Variants in RCOR3 observed in about 807,000 individuals in gnomAD.
RCOR3 encodes the protein REST corepressor 3.
RCOR3 carries 13 observed loss-of-function variants against 64.1 expected under a neutral mutation model. That is an observed-to-expected ratio of 0.20 (90% CI 0.13 to 0.32). The LOEUF (loss-of-function observed/expected upper bound fraction) is 0.32. Ranked by LOEUF, RCOR3 falls within the 10% of genes least tolerant of loss-of-function variation. The pLI is 1.00. For missense variants in RCOR3, 489 were observed against 701.2 expected, an observed-to-expected ratio of 0.70 and a Z score of 3.42; for synonymous variants, 215 against 239.0, an observed-to-expected ratio of 0.90 and a Z score of 0.93.
At chr1:211,299,207 G>A (rs936374640) in intron 9 of RCOR3, among the ~76,000 whole-genome samples, 5 of 152,186 alleles carry the variant, frequency 3.3e-5, no homozygotes, top group African/African-American at 1.2e-4. Context: ...AGTCGTCAAT[G>A]ATAAAGGGGT....
At position 211,279,251 on chromosome 1, in the gene RCOR3, G is replaced by A; in HGVS notation, c.655G>A (p.Glu219Lys). The stretch of plus-strand genomic sequence containing the variant: ...GTTTCTTCTCAGTGATGATGATGTA[G>A]AAGAAACACATCCAATGGATGGGAA... ...HNQGDSDDDV[E>K]ETHPMDGNDS... Residue 219 changes from glutamate (E) to lysine (K), a missense_variant, in exon 7 of 12, where the codon GAA becomes AAA. By Grantham distance (56) the Glu-to-Lys change is moderately conservative (BLOSUM62 1). Around this residue, in one of 2 missense-constraint regions of RCOR3, gnomAD observed 402 missense variants for 617.0 expected, o/e 0.65. Transcript: ENST00000419091. The A allele has an allele frequency of 6.2e-7, 1 of 1,606,816 alleles. No individual in the cohort carries two copies. Among genetic ancestry groups the A allele is most frequent in the Non-Finnish European group, 8.5e-7 (1 of 1,176,274 alleles).
At chr1:211,274,588 A>G (rs953588240) in intron 4 of RCOR3, among the ~76,000 whole-genome samples, 2 of 149,732 alleles carry the variant, frequency 1.3e-5, no homozygotes, top group African/African-American at 4.8e-5. Flanking sequence ...AATTTGGAGT[A>G]AGTGTACATA....
chr1:211,262,485 T>C (rs1426829757), intron 2 of RCOR3, among the ~76,000 whole-genome samples: 1 of 152,198 alleles, frequency 6.6e-6, no homozygotes, highest in African/African-American at 2.4e-5. Context: ...GTGTGGTTTT[T>C]TTTGGTAGTG....
At position 211,308,659 on chromosome 1, in the gene RCOR3, GTGTTTTTTTTTTTGTTTTTTTTT is replaced by G. The variant is rs1333478290; in HGVS notation, c.1076-4047_1076-4025del. On this transcript the variant is annotated intron_variant, in intron 10 of 11. Transcript: ENST00000419091. ...GCTTACCATGTTTCGTCTTTTGGAT[GTGTTTTTTTTTTTGTTTTTTTTT>G]TGTTTTTTTTTTTTTTTGTGTAGTC... Among the ~76,000 whole-genome samples, 4 of 72,990 alleles carry G rather than the reference GTGTTTTTTTTTTTGTTTTTTTTT, an allele frequency of 5.5e-5. 1 individual carries two copies. Among genetic ancestry groups the G allele is most frequent in the East Asian group, 8.1e-4 (2 of 2,464 alleles). 47.9% of individuals were successfully genotyped at this position (72,990 alleles called of 152,430 possible). A position where few individuals can be genotyped will look rare whatever the true frequency, so the allele number is the denominator to read the frequency against.
At position 211,312,583 on chromosome 1, in the gene RCOR3, A is replaced by G. The variant is rs1488248570; in HGVS notation, c.1076-137A>G. 3 of 716,710 alleles carry G rather than the reference A, an allele frequency of 4.2e-6. No individual in the cohort carries two copies. The African/African-American group carries it at 5.3e-5, about 13-fold the overall frequency. 44.4% of individuals were successfully genotyped at this position (716,710 alleles called of 1,614,324 possible). A position where few individuals can be genotyped will look rare whatever the true frequency, so the allele number is the denominator to read the frequency against. On this transcript the variant is annotated intron_variant, in intron 10 of 11. Coordinates refer to ENST00000419091, the MANE Select transcript of RCOR3 (RefSeq NM_001136223.3). This position sits in a 1 kb window ranked among gnomAD's most constrained non-coding sequence, Gnocchi z 5.0. ...CTGTGACCCTGATATCTTAGCCTCT[A>G]TCTCAGAATTGAGAAATGAGCAGAG...
At chr1:211,273,080 A>G (rs1028074709) in intron 3 of RCOR3, among the ~76,000 whole-genome samples, 6 of 152,216 alleles carry the variant, frequency 3.9e-5, no homozygotes, top group African/African-American at 1.4e-4. Context: ...TTTCTACACA[A>G]AAAGCTTACC....
intron 9 of RCOR3, among the ~76,000 whole-genome samples, chr1:211,300,695 C>T (rs1700288006): frequency 6.6e-6 from 1 of 152,088 alleles, no homozygotes; most frequent in African/African-American, 2.4e-5. Context: ...CAAATTTATC[C>T]AGACATTCAG....
At chr1:211,278,274 T>C (rs1697293611) in intron 6 of RCOR3, 33 bp downstream of exon 6, 1 of 1,608,456 alleles carries the variant, frequency 6.2e-7, no homozygotes, top group African/African-American at 1.3e-5. Context: ...GTTACATTGT[T>C]AGGGACACTG....
intron 10 of RCOR3, among the ~76,000 whole-genome samples, chr1:211,311,952 C>A (rs750034469): frequency 3.2e-4 from 48 of 152,078 alleles, no homozygotes; most frequent in Non-Finnish European, 5.6e-4. Flanking sequence ...CAATAAATAT[C>A]TCTTCTTAAG....
At chr1:211,260,357 G>T (rs1008228860) in intron 2 of RCOR3, among the ~76,000 whole-genome samples, 193 bp downstream of exon 2, 3 of 152,196 alleles carry the variant, frequency 2.0e-5, no homozygotes, top group Non-Finnish European at 4.4e-5. Flanking sequence ...GCACTGCAAG[G>T]TTAACATGGT....
At chr1:211,290,972 G>GTT (rs142791224) in intron 8 of RCOR3, among the ~76,000 whole-genome samples, 149 of 146,572 alleles carry the variant, frequency 1.0e-3, no homozygotes, top group Non-Finnish European at 1.1e-3. Flanking sequence ...TGTTTGTTTG[G>GTT]TTTTTTTTTT....
rs146353525 is a variant in RCOR3, at chr1:211,315,775, G to A, written c.*2007G>A. 30 of 152,270 alleles carry A rather than the reference G, an allele frequency of 2.0e-4. No individual in the cohort carries two copies. The highest frequency in any genetic ancestry group is 7.0e-4 in the African/African-American group (29 of 41,546). The allele number at this position is 152,270 out of a possible 1,614,324, so 9.4% of individuals were successfully genotyped here. On this transcript the variant is annotated 3_prime_UTR_variant, in exon 12 of 12. Transcript: ENST00000419091. The stretch of plus-strand genomic sequence containing the variant: ...AAAATCTCTTCTATCCCAGACATGG[G>A]CCAAGGTGCTGTATCTGAGGGATGT...
At chr1:211,293,118 T>TAAATAAATAAATAAATAAATA (rs374581705) in intron 8 of RCOR3, among the ~76,000 whole-genome samples, 80 of 151,274 alleles carry the variant, frequency 5.3e-4, no homozygotes, top group Non-Finnish European at 1.0e-3. Flanking sequence ...AATAAATAAA[T>TAAATAAATAAATAAATAAATA]AAGTCTTAAT....
intron 7 of RCOR3, among the ~76,000 whole-genome samples, chr1:211,279,602 A>T (rs1206438252): frequency 6.6e-6 from 1 of 152,212 alleles, no homozygotes; most frequent in Non-Finnish European, 1.5e-5. Flanking sequence ...AAGAAACCCA[A>T]TGCCATGGGC....
intron 7 of RCOR3, among the ~76,000 whole-genome samples, chr1:211,284,678 C>T (rs1042195524): frequency 2.0e-5 from 3 of 152,096 alleles, no homozygotes; most frequent in South Asian, 4.1e-4. Flanking sequence ...CCACCACACC[C>T]AGCTAATTTT....
intron 4 of RCOR3, 142 bp from the exon 5 acceptor site, chr1:211,276,115 C>T: frequency 1.4e-6 from 1 of 712,782 alleles, no homozygotes; most frequent in Non-Finnish European, 2.3e-6. Context: ...CCTGAGCGCC[C>T]CTGATTTAAA....
At position 211,276,259 on chromosome 1, in the gene RCOR3, A is replaced by G; in HGVS notation, c.357A>G (p.Ala119=). ...AGGGGAATGATTTCTCTTCAAAGGCACTTGGCATGTTGTTCTGGCATAAAC... is the reference window on the plus strand; with the variant it reads ...AGGGGAATGATTTCTCTTCAAAGGCGCTTGGCATGTTGTTCTGGCATAAAC... ...KEKHGYNVEQ[A]LGMLFWHKHN... is the part of the protein sequence containing the mutation. Residue 119 remains alanine, a splice_region_variant and synonymous_variant, in exon 5 of 12, where the codon GCA becomes GCG. Transcript: ENST00000419091. The G allele has an allele frequency of 1.2e-6, 2 of 1,611,868 alleles. No homozygotes were observed. The highest frequency in any genetic ancestry group is 1.7e-6 in the Non-Finnish European group (2 of 1,178,816).
rs1353438362 is a variant in RCOR3, at chr1:211,259,682, A to C, written c.122A>C (p.His41Pro). The C allele has an allele frequency of 1.3e-6, 2 of 1,544,690 alleles. No homozygotes were observed. The highest frequency in any genetic ancestry group is 4.9e-5 in the East Asian group (2 of 40,456). ...SGASSTNGGL[H>P]YSEPESGCSS... Reference sequence around the variant, plus strand: ...GCCTCGTCCACCAACGGCGGGCTGCACTACTCAGAGCCCGAGAGCGGCTGC... The same window carrying C: ...GCCTCGTCCACCAACGGCGGGCTGCCCTACTCAGAGCCCGAGAGCGGCTGC... Residue 41 changes from histidine (H) to proline (P), a missense_variant, in exon 1 of 12, where the codon CAC becomes CCC. By Grantham distance (77) the His-to-Pro change is moderately conservative. Transcript: ENST00000419091.
chr1:211,281,680 T>C (rs1466293080), intron 7 of RCOR3, among the ~76,000 whole-genome samples: 1 of 152,254 alleles, frequency 6.6e-6, no homozygotes, highest in Non-Finnish European at 1.5e-5. Flanking sequence ...CCTATGATTA[T>C]GTTGGTCCCT....
Sources: allele counts gnomAD v4.1 joint callset (sites outside exome capture counted in the v4.1 genomes callset), GRCh38; gene constraint gnomAD v4.1.1; regional missense constraint gnomAD v4.1.1; non-coding constraint Gnocchi (gnomAD v3.1); transcripts MANE v1.5; gene names NCBI Gene and HGNC (gene_info 2026-07-23, HGNC 2026-07-21).